TSPAN11: variants seen among roughly 807,000 people sequenced by gnomAD.
The protein encoded by TSPAN11 is tetraspanin 11, also known as tetraspanin-11.
Under a neutral mutation model 32.9 loss-of-function variants are expected in TSPAN11, and 29 were observed. That is an observed-to-expected ratio of 0.88 (90% CI 0.66 to 1.20). The LOEUF (loss-of-function observed/expected upper bound fraction) is 1.20. Among genes scored for constraint, TSPAN11 ranks in the 50% most tolerant of loss-of-function variants. The pLI, the probability that TSPAN11 is intolerant of heterozygous loss-of-function variation, is 0.00. For synonymous variants in TSPAN11, 140 were observed against 141.3 expected (o/e 0.99, Z 0.07); for missense variants, 283 against 329.1 (o/e 0.86, Z 1.08).
the TSPAN11 span, among the ~76,000 whole-genome samples, chr12:31,007,716 T>C: frequency 6.6e-6 from 1 of 152,212 alleles, no homozygotes; most frequent in African/African-American, 2.4e-5. Context: ...TTTAATAAAT[T>C]AGTGAATGGG....
In TSPAN11 at chr12:30,958,850, G is replaced by A. The variant is rs577080081; in HGVS notation, c.84+4775G>A. 1.7e-4 allele frequency among the ~76,000 whole-genome samples: 26 copies of A among 152,256 alleles called. No individual in the cohort carries two copies. The South Asian group carries it at 5.2e-3, about 30-fold the overall frequency. ...AGAGCGTGGCATCATTGTAGCAGGT[G>A]CACAGTGGGTATTGGTTGAAAGAAA... On this transcript the variant is annotated intron_variant, in intron 2 of 7. Transcript: ENST00000546076.
At chr12:30,984,398 G>A (rs927917888) in intron 7 of TSPAN11, among the ~76,000 whole-genome samples, 20 of 152,234 alleles carry the variant, frequency 1.3e-4, no homozygotes, top group Non-Finnish European at 2.1e-4. Context: ...ACCCACTTAC[G>A]AAGTACCTGG....
chr12:31,003,327 A>G, the TSPAN11 span, among the ~76,000 whole-genome samples: 1 of 152,220 alleles, frequency 6.6e-6, no homozygotes, highest in African/African-American at 2.4e-5. Context: ...TACTCTATGC[A>G]TGGAGACTTC....
In TSPAN11 at chr12:30,993,917, G is replaced by A. The variant is rs1939366880; in HGVS notation, c.*2002G>A. On this transcript the variant is annotated 3_prime_UTR_variant, in exon 8 of 8. Coordinates refer to ENST00000546076, the MANE Select transcript of TSPAN11 (RefSeq NM_001370302.1). Reference sequence around the variant, plus strand: ...AAGACAGGTGACAGGCAGGTGCCCTGTGCACAGCCTTATCATTGAAGGCAG... The same window carrying A: ...AAGACAGGTGACAGGCAGGTGCCCTATGCACAGCCTTATCATTGAAGGCAG... The A allele has an allele frequency of 6.6e-6, 1 of 152,280 alleles. No homozygotes were observed. Among genetic ancestry groups the A allele is most frequent in the Non-Finnish European group, 1.5e-5 (1 of 68,080 alleles). The allele number at this position is 152,280 out of a possible 1,614,324, so 9.4% of individuals were successfully genotyped here.
downstream of TSPAN11, chr12:30,996,998 GGCTGCAGCAGATGCAGAGT>G (rs1342013650): frequency 2.6e-5 from 4 of 152,154 alleles, no homozygotes; most frequent in Non-Finnish European, 5.9e-5. Context: ...CCCTCTGCTT[GGCTGCAGCAGATGCAGAGT>G]GTGGCGAAAA....
chr12:30,965,126 G>A (rs185299763), intron 3 of TSPAN11, among the ~76,000 whole-genome samples: 128 of 152,358 alleles, frequency 8.4e-4, no homozygotes, highest in Middle Eastern at 3.4e-3. Flanking sequence ...GGCATGTAGC[G>A]CAGCCCGGGG....
At chr12:30,981,693 C>T (rs996456016) in intron 5 of TSPAN11, among the ~76,000 whole-genome samples, 22 of 152,316 alleles carry the variant, frequency 1.4e-4, no homozygotes, top group South Asian at 2.1e-4. Flanking sequence ...TCTTCTACCA[C>T]GCGACAGTGG....
chr12:30,927,849 T>A (rs1027320612), intron 1 of TSPAN11, among the ~76,000 whole-genome samples: 56 of 152,104 alleles, frequency 3.7e-4, no homozygotes, highest in African/African-American at 1.3e-3. Context: ...TGGGGCTCAG[T>A]TGCTTTTTGT....
At chr12:30,997,942 T>C (rs967848747), downstream of TSPAN11, among the ~76,000 whole-genome samples, 2 of 152,172 alleles carry the variant, frequency 1.3e-5, no homozygotes, top group Non-Finnish European at 2.9e-5. Context: ...CAGGGCCTCT[T>C]TGGTCAAGGT....
Position 30,991,965 on chromosome 12 carries a change from C to A in TSPAN11, c.*50C>A. 6.2e-7 allele frequency: 1 copy of A among 1,604,992 alleles called. No homozygotes were observed. The stretch of plus-strand genomic sequence containing the variant: ...TGCCCCTCAAGACAACATGTGGCCA[C>A]ATGCCATCTGCAAGGCCTGCAGAGT... On this transcript the variant is annotated 3_prime_UTR_variant, in exon 8 of 8. Transcript: ENST00000546076.
At chr12:30,969,976 G>T (rs1273084379) in intron 3 of TSPAN11, among the ~76,000 whole-genome samples, 1 of 152,162 alleles carries the variant, frequency 6.6e-6, no homozygotes, top group Non-Finnish European at 1.5e-5. Context: ...CTTCCAGGCT[G>T]CCCTGTTCCC....
chr12:31,000,474 C>T (rs144848765), downstream of TSPAN11, among the ~76,000 whole-genome samples: 4 of 152,336 alleles, frequency 2.6e-5, no homozygotes, highest in Non-Finnish European at 4.4e-5. Flanking sequence ...CGCCTCTATA[C>T]GCATGCTTTT....
At chr12:30,990,564 C>T (rs774828661) in intron 7 of TSPAN11, among the ~76,000 whole-genome samples, 7 of 152,214 alleles carry the variant, frequency 4.6e-5, no homozygotes, top group Non-Finnish European at 8.8e-5. Flanking sequence ...ACCAAGTCTG[C>T]AGGCTGAAAG....
chr12:30,983,173 G>A, intron 7 of TSPAN11, 23 bp downstream of exon 7: 1 of 1,601,126 alleles, frequency 6.2e-7, no homozygotes, highest in Non-Finnish European at 8.5e-7. Context: ...GCGGGGACTG[G>A]TGGGGGTGGA....
intron 1 of TSPAN11, among the ~76,000 whole-genome samples, chr12:30,927,662 G>T (rs921982683): frequency 6.6e-6 from 1 of 152,158 alleles, no homozygotes; most frequent in Non-Finnish European, 1.5e-5. Flanking sequence ...GTGTGTGTGG[G>T]GGAGCGTGAA....
intron 5 of TSPAN11, among the ~76,000 whole-genome samples, chr12:30,981,072 C>T (rs1000456673): frequency 7.9e-5 from 12 of 152,136 alleles, no homozygotes; most frequent in Non-Finnish European, 1.5e-4. Context: ...GTGGGAGTGG[C>T]AGGTCAGGGC....
chr12:30,999,146 C>CA (rs911897295), downstream of TSPAN11: 7 of 151,896 alleles, frequency 4.6e-5, no homozygotes, highest in Admixed American at 2.0e-4. Flanking sequence ...CCCGCCTCTA[C>CA]AAAAAAATAA....
intron 1 of TSPAN11, among the ~76,000 whole-genome samples, chr12:30,941,392 A>G (rs1179314111): frequency 2.0e-5 from 3 of 152,228 alleles, no homozygotes; most frequent in African/African-American, 4.8e-5. Context: ...CTAGGCACAC[A>G]AAATACACAG....
intron 1 of TSPAN11, among the ~76,000 whole-genome samples, chr12:30,940,327 T>C (rs1357270455): frequency 2.0e-5 from 3 of 152,232 alleles, no homozygotes; most frequent in African/African-American, 7.2e-5. Context: ...CATTCATTCA[T>C]TCAGCATCCG....
Sources: gnomAD v4.1 joint callset for allele counts (sites outside exome capture counted in the v4.1 genomes callset) on GRCh38, gnomAD v4.1.1 for gene constraint, MANE v1.5 for transcripts, NCBI Gene and HGNC (gene_info 2026-07-23, HGNC 2026-07-21) for gene names.